The following ATRNL1 variants were observed in gnomAD, a reference collection of about 807,000 sequenced individuals.
ATRNL1 encodes the protein attractin like 1.
In ATRNL1, 95 loss-of-function variants were observed where a neutral mutation model predicts 182.7. That is an observed-to-expected ratio of 0.52 (90% CI 0.44 to 0.62). The LOEUF is 0.62. Among genes scored for constraint, ATRNL1 ranks in the 20% least tolerant of loss-of-function variants. The pLI is 0.00. For synonymous variants in ATRNL1, 576 were observed against 568.3 expected (o/e 1.01, Z -0.19); for missense variants, 1,471 against 1,679.5 (o/e 0.88, Z 2.17).
intron 17 of ATRNL1, among the ~76,000 whole-genome samples, chr10:115,309,752 ATAGTCTT>A (rs1286691532): frequency 6.6e-6 from 1 of 151,946 alleles, no homozygotes; most frequent in Admixed American, 6.6e-5. Context: ...AAATCACTTC[ATAGTCTT>A]TAGGGTTTTC....
chr10:115,626,145 C>T (rs1555024575), intron 26 of ATRNL1, among the ~76,000 whole-genome samples: 1 of 152,114 alleles, frequency 6.6e-6, no homozygotes, highest in Non-Finnish European at 1.5e-5. Context: ...ATTTTTATAA[C>T]ACACACACTC....
chr10:115,365,636 C>G (rs1342012299), intron 19 of ATRNL1, among the ~76,000 whole-genome samples: 2 of 151,236 alleles, frequency 1.3e-5, no homozygotes, highest in Non-Finnish European at 3.0e-5. Context: ...TGGATCTTTC[C>G]TGCTTTCTCT....
At chr10:115,765,843 T>A (rs1236388522) in intron 27 of ATRNL1, among the ~76,000 whole-genome samples, 1 of 152,202 alleles carries the variant, frequency 6.6e-6, no homozygotes, top group Non-Finnish European at 1.5e-5. Flanking sequence ...GTAATGGCTG[T>A]ATAGTGTTCC....
intron 26 of ATRNL1, among the ~76,000 whole-genome samples, chr10:115,626,814 T>C (rs1555024784): frequency 6.6e-6 from 1 of 152,184 alleles, no homozygotes; most frequent in East Asian, 1.9e-4. Context: ...TACATATGAA[T>C]TCCAGAGTAG....
chr10:115,173,317 G>T (rs750375119), intron 8 of ATRNL1, among the ~76,000 whole-genome samples: 36 of 151,590 alleles, frequency 2.4e-4, no homozygotes, highest in Non-Finnish European at 4.4e-4. Flanking sequence ...ATTAATTTTT[G>T]GTTTTATTAT....
At chr10:115,787,130 T>C (rs1458217375) in intron 27 of ATRNL1, among the ~76,000 whole-genome samples, 1 of 152,234 alleles carries the variant, frequency 6.6e-6, no homozygotes, top group Non-Finnish European at 1.5e-5. Flanking sequence ...GATTTGTTAC[T>C]TTAACACATC....
chr10:115,534,361 G>T (rs1432271844), intron 25 of ATRNL1, among the ~76,000 whole-genome samples: 2 of 152,184 alleles, frequency 1.3e-5, no homozygotes, highest in African/African-American at 4.8e-5. Context: ...TTATGTAATG[G>T]CCTTCTTTGT....
chr10:115,104,394 AT>A (rs1198583512), intron 1 of ATRNL1, among the ~76,000 whole-genome samples: 1 of 151,794 alleles, frequency 6.6e-6, no homozygotes, highest in Admixed American at 6.6e-5. Flanking sequence ...GGATTATTAG[AT>A]TTTTTTTCTT....
chr10:115,716,477 T>C (rs782627004), intron 26 of ATRNL1, among the ~76,000 whole-genome samples: 13 of 152,186 alleles, frequency 8.5e-5, no homozygotes, highest in Non-Finnish European at 1.6e-4. Flanking sequence ...GAACTCCTTA[T>C]ACACTAAATG....
chr10:115,746,139 C>T (rs960978050), intron 27 of ATRNL1, among the ~76,000 whole-genome samples: 4 of 152,056 alleles, frequency 2.6e-5, no homozygotes, highest in Non-Finnish European at 5.9e-5. Context: ...ACTGCTGACT[C>T]ATGGCCAATC....
intron 26 of ATRNL1, among the ~76,000 whole-genome samples, chr10:115,606,191 C>T (rs1005269708): frequency 6.6e-6 from 1 of 151,866 alleles, no homozygotes; most frequent in African/African-American, 2.4e-5. Context: ...CACATAGACC[C>T]TTTAATTGAG....
At chr10:115,307,479 C>CTGGTG (rs1853792642) in intron 17 of ATRNL1, among the ~76,000 whole-genome samples, 3 of 152,110 alleles carry the variant, frequency 2.0e-5, no homozygotes, top group African/African-American at 7.2e-5. Context: ...CCAGGCTGGT[C>CTGGTG]TTGAACTCCT....
At chr10:115,211,657 A>C (rs1849030036) in intron 8 of ATRNL1, among the ~76,000 whole-genome samples, 1 of 151,680 alleles carries the variant, frequency 6.6e-6, no homozygotes, top group Non-Finnish European at 1.5e-5. Context: ...ACATGTGCAC[A>C]ATGTGCAGGT....
rs545469977 is a variant in ATRNL1, at chr10:115,448,706, A to AC, written c.3323-13235_3323-13234insC. Among the ~76,000 whole-genome samples the AC allele has an allele frequency of 6.3e-4, 89 of 141,206 alleles. 2 individuals are homozygous for AC. The South Asian group carries it at 0.019, about 30-fold the overall frequency. 92.6% of individuals were successfully genotyped at this position (141,206 alleles called of 152,430 possible). ...AACTGAAGGAAATCAAGACGCACAC[A>AC]AAAAAAAAACATTTAAAAGATAAAC... On this transcript the variant is annotated intron_variant, in intron 21 of 28. Coordinates refer to ENST00000355044, the MANE Select transcript of ATRNL1 (RefSeq NM_207303.4).
intron 27 of ATRNL1, among the ~76,000 whole-genome samples, chr10:115,828,194 G>A (rs1950481049): frequency 6.6e-6 from 1 of 152,142 alleles, no homozygotes; most frequent in Non-Finnish European, 1.5e-5. Context: ...GCGCATGCCT[G>A]TAATCCCAGC....
intron 15 of ATRNL1, among the ~76,000 whole-genome samples, chr10:115,293,663 T>C (rs1310869666): frequency 1.3e-5 from 2 of 152,218 alleles, no homozygotes; most frequent in Non-Finnish European, 2.9e-5. Flanking sequence ...TGGTGATTAA[T>C]TTCATTAGAT....
At chr10:115,438,889 G>A (rs1196047314) in intron 21 of ATRNL1, among the ~76,000 whole-genome samples, 1 of 151,678 alleles carries the variant, frequency 6.6e-6, no homozygotes, top group Non-Finnish European at 1.5e-5. Flanking sequence ...ACCCCCTGAG[G>A]TATAGAGGCA....
chr10:115,105,743 C>T (rs1180486990), intron 1 of ATRNL1, among the ~76,000 whole-genome samples: 1 of 152,186 alleles, frequency 6.6e-6, no homozygotes, highest in Non-Finnish European at 1.5e-5. Context: ...TTGGCAGCTT[C>T]CATGTGGTGT....
chr10:115,434,479 C>A (rs1358012996), intron 21 of ATRNL1, among the ~76,000 whole-genome samples: 1 of 152,102 alleles, frequency 6.6e-6, no homozygotes, highest in Non-Finnish European at 1.5e-5. Context: ...AGGCAGGTTT[C>A]AACCCTCTTA....
Sources: allele counts gnomAD v4.1 joint callset (sites outside exome capture counted in the v4.1 genomes callset), GRCh38; gene constraint gnomAD v4.1.1; transcripts MANE v1.5; gene names NCBI Gene and HGNC (gene_info 2026-07-23, HGNC 2026-07-21).